The following DGKB variants were observed in gnomAD, a reference collection of about 807,000 sequenced individuals.
The protein encoded by DGKB is 90 kDa diacylglycerol kinase.
A neutral mutation model predicts 114.3 loss-of-function variants in DGKB; 67 were observed. The ratio of observed to expected loss-of-function variants is 0.59; its 90% confidence interval spans 0.48 to 0.72. The LOEUF is 0.72. DGKB is among the 30% of genes least tolerant of loss of function. DGKB has a pLI of 0.00. For synonymous variants in DGKB, 398 were observed against 323.1 expected (o/e 1.23, Z -2.49); for missense variants, 907 against 975.2 (o/e 0.93, Z 0.93).
At chr7:14,274,675 G>T (rs2128440916) in intron 23 of DGKB, among the ~76,000 whole-genome samples, 1 of 152,190 alleles carries the variant, frequency 6.6e-6, no homozygotes, top group South Asian at 2.1e-4. Flanking sequence ...AGTGAATTTG[G>T]TATCTGGTAT....
intron 2 of DGKB, among the ~76,000 whole-genome samples, chr7:14,767,526 G>A (rs1836648861): frequency 6.6e-6 from 1 of 151,736 alleles, no homozygotes; most frequent in Non-Finnish European, 1.5e-5. Context: ...AAGCTCCGGG[G>A]ATTTCATTTT....
intron 9 of DGKB, among the ~76,000 whole-genome samples, chr7:14,686,683 T>C (rs550223982): frequency 4.6e-5 from 7 of 152,262 alleles, no homozygotes; most frequent in African/African-American, 1.4e-4. Context: ...ACCAGATTTG[T>C]AATACTAGAG....
rs1032309201 is a variant in DGKB at position 14,701,559 on chromosome 7, A to G, written c.516+122T>C. On this transcript the variant is annotated intron_variant, in intron 7 of 25. Coordinates refer to ENST00000402815, the MANE Select transcript of DGKB (RefSeq NM_001350709.2). The stretch of plus-strand genomic sequence containing the variant: ...AAAAAGTCAAAAAGATAAAAATGCC[A>G]TATGAGTGGATGTAAATTACATTAA... The G allele has an allele frequency of 2.0e-5, 14 of 692,074 alleles. No homozygotes were observed. In the African/African-American group the frequency reaches 2.2e-4, roughly 11 times the overall value. The allele number at this position is 692,074 out of a possible 1,614,324, so 42.9% of individuals were successfully genotyped here.
chr7:14,790,283 A>G, intron 2 of DGKB, among the ~76,000 whole-genome samples: 1 of 152,168 alleles, frequency 6.6e-6, no homozygotes, highest in South Asian at 2.1e-4. Flanking sequence ...GAAGACCACG[A>G]GTTTTTTATT....
chr7:14,894,770 A>G (rs1204961777), intron 1 of DGKB, among the ~76,000 whole-genome samples: 2 of 151,642 alleles, frequency 1.3e-5, no homozygotes, highest in Non-Finnish European at 3.0e-5. Context: ...CAAAAGCCTT[A>G]TCACTTCACT....
intron 12 of DGKB, 79 bp from the exon 13 acceptor site, chr7:14,673,106 A>G: frequency 6.4e-6 from 5 of 782,042 alleles, no homozygotes; most frequent in Non-Finnish European, 1.1e-5. Flanking sequence ...TTCAATCGAG[A>G]TACAGCAAAC....
intron 25 of DGKB, among the ~76,000 whole-genome samples, chr7:14,171,073 G>A (rs370259513): frequency 1.3e-5 from 2 of 152,178 alleles, no homozygotes; most frequent in East Asian, 1.9e-4. Flanking sequence ...CAGGCTTGGT[G>A]GGGATTGGTC....
In DGKB at chr7:14,718,672, A is replaced by C. The variant is rs1401869734; in HGVS notation, c.336T>G (p.Asn112Lys). ...TCCGGGGAGGGGTGATGGCACCTTT[A>C]TTCATTCTCAGACCTGGAAAAAAAA... ...PALLSGGLRM[N>K]KGAITPPRTT... The change falls in exon 6 of 26, where the codon AAT (asparagine) becomes AAG (lysine). Residue 112 changes from asparagine (N) to lysine (K), a missense_variant. By Grantham distance (94) the Asn-to-Lys change is moderately conservative (BLOSUM62 0). This residue lies in a region of DGKB where 814 missense variants were observed against 856.6 expected (regional missense o/e 0.95). Transcript: ENST00000402815. The C allele has an allele frequency of 6.2e-7, 1 of 1,608,306 alleles. No individual in the cohort carries two copies.
intron 16 of DGKB, 66 bp downstream of exon 16, chr7:14,613,274 A>C: frequency 2.2e-6 from 2 of 911,820 alleles, no homozygotes. Context: ...GCATTTTTAC[A>C]TCATAGTTTT....
At chr7:14,708,647 C>G (rs1826743045) in intron 6 of DGKB, among the ~76,000 whole-genome samples, 1 of 151,470 alleles carries the variant, frequency 6.6e-6, no homozygotes, top group Non-Finnish European at 1.5e-5. Flanking sequence ...ACAGAGCCCT[C>G]AGAAATAACG....
intron 20 of DGKB, among the ~76,000 whole-genome samples, chr7:14,502,703 T>C (rs954800213): frequency 3.3e-5 from 5 of 152,136 alleles, no homozygotes; most frequent in Non-Finnish European, 7.4e-5. Flanking sequence ...ATTTAGATTA[T>C]ACATAAAGTA....
chr7:14,736,601 G>A (rs1473606100), intron 4 of DGKB, among the ~76,000 whole-genome samples: 2 of 152,136 alleles, frequency 1.3e-5, no homozygotes, highest in Non-Finnish European at 2.9e-5. Context: ...AACACAGCAG[G>A]CACTCAGAGA....
chr7:14,361,162 G>C (rs1056417443), intron 21 of DGKB, among the ~76,000 whole-genome samples: 1 of 151,920 alleles, frequency 6.6e-6, no homozygotes, highest in African/African-American at 2.4e-5. Context: ...CACATCAGCA[G>C]TCTTTTTCCA....
chr7:14,274,457 C>A (rs1798706223), intron 23 of DGKB, among the ~76,000 whole-genome samples: 1 of 151,968 alleles, frequency 6.6e-6, no homozygotes, highest in Admixed American at 6.6e-5. Context: ...CATAAAAGGC[C>A]CTCCCTGCTT....
chr7:14,627,176 A>T (rs1293507873), intron 14 of DGKB, among the ~76,000 whole-genome samples: 1 of 152,210 alleles, frequency 6.6e-6, no homozygotes, highest in African/African-American at 2.4e-5. Context: ...TGTAAGAAGT[A>T]TGATTTATTT....
intron 23 of DGKB, among the ~76,000 whole-genome samples, chr7:14,260,925 T>C (rs988085030): frequency 9.2e-5 from 14 of 152,290 alleles, no homozygotes; most frequent in Non-Finnish European, 1.9e-4. Context: ...GTTATACATT[T>C]AACGAAATCA....
At chr7:14,399,784 G>A (rs150641512) in intron 21 of DGKB, among the ~76,000 whole-genome samples, 72 of 151,898 alleles carry the variant, frequency 4.7e-4, no homozygotes, top group African/African-American at 1.7e-3. Flanking sequence ...CATTCCTCTT[G>A]AAGTTCTCAA....
Position 14,966,440 on chromosome 7 carries a change from T to TTG in DGKB, c.-188+8254_-188+8255dup, listed in dbSNP as rs201786034. Among the ~76,000 whole-genome samples, 1,233 of 144,998 alleles carry TTG rather than the reference T, an allele frequency of 8.5e-3. 16 individuals are homozygous for TTG. Among genetic ancestry groups the TTG allele is most frequent in the African/African-American group, 0.031 (1,168 of 37,740 alleles). On this transcript the variant is annotated intron_variant, in intron 1 of 4. Transcript: ENST00000437998. ...AAGTTTCAAGGGAATACACACATAT[T>TTG]TGTGTGTATATATATATATATATGT...
At chr7:14,630,473 A>T (rs1809479663) in intron 13 of DGKB, among the ~76,000 whole-genome samples, 1 of 152,138 alleles carries the variant, frequency 6.6e-6, no homozygotes, top group African/African-American at 2.4e-5. Flanking sequence ...AGAGTGGGTT[A>T]GGTTGTGAAA....
Sources: gnomAD v4.1 joint callset for allele counts (sites outside exome capture counted in the v4.1 genomes callset) on GRCh38, gnomAD v4.1.1 for gene constraint, gnomAD v4.1.1 regional missense constraint, MANE v1.5 for transcripts, NCBI Gene and HGNC (gene_info 2026-07-23, HGNC 2026-07-21) for gene names.